Variants in DAB1 observed in about 807,000 individuals in gnomAD.
DAB1 encodes DAB adaptor protein 1.
In DAB1, 15 loss-of-function variants were observed where a neutral mutation model predicts 64.6. That is an observed-to-expected ratio of 0.23 (90% CI 0.16 to 0.36). The LOEUF (loss-of-function observed/expected upper bound fraction) is 0.36. Among genes scored for constraint, DAB1 ranks in the 10% least tolerant of loss-of-function variants. The pLI, the probability that DAB1 is intolerant of heterozygous loss-of-function variation, is 1.00. For synonymous variants in DAB1, 235 were observed against 251.9 expected, an observed-to-expected ratio of 0.93 and a Z score of 0.64; for missense variants, 596 against 706.7, an observed-to-expected ratio of 0.84 and a Z score of 1.78.
At chr1:58,167,010 A>G (rs1404256167) in intron 4 of DAB1, among the ~76,000 whole-genome samples, 3 of 151,430 alleles carry the variant, frequency 2.0e-5, no homozygotes, top group African/African-American at 4.8e-5. Flanking sequence ...GCCTCCTAAA[A>G]GTGCTAGGAA....
intron 5 of DAB1, among the ~76,000 whole-genome samples, chr1:57,976,587 A>AT (rs1645925603): frequency 6.6e-6 from 1 of 152,012 alleles, no homozygotes; most frequent in Non-Finnish European, 1.5e-5. Context: ...GAGCAAAATA[A>AT]TTTTTCTCCT....
At chr1:57,784,731 T>A (rs935448722) in intron 6 of DAB1, among the ~76,000 whole-genome samples, 2 of 152,032 alleles carry the variant, frequency 1.3e-5, no homozygotes. Context: ...GAAAGAAGCA[T>A]CTCCATAACA....
At chr1:57,623,669 GACAGGCTTCTGTGGCCGGTCTGCAAAC>G (rs1275682533) in intron 7 of DAB1, among the ~76,000 whole-genome samples, 2 of 152,170 alleles carry the variant, frequency 1.3e-5, no homozygotes, top group Non-Finnish European at 2.9e-5. Context: ...AAGGCCTGCA[GACAGGCTTCTGTGGCCGGTCTGCAAAC>G]ACAGGCTTCT....
At chr1:58,121,834 A>G (rs893250444) in intron 5 of DAB1, among the ~76,000 whole-genome samples, 1 of 152,182 alleles carries the variant, frequency 6.6e-6, no homozygotes, top group Non-Finnish European at 1.5e-5. Flanking sequence ...AACGATTTGG[A>G]ATTTTCCTCT....
intron 5 of DAB1, among the ~76,000 whole-genome samples, chr1:58,007,343 C>T (rs78991787): frequency 0.05 from 7,546 of 152,276 alleles, 357 homozygotes; most frequent in East Asian, 0.27. Flanking sequence ...CTGCTTTATG[C>T]TAAATGTGGA....
chr1:58,059,763 A>G (rs1648374851), intron 5 of DAB1, among the ~76,000 whole-genome samples: 1 of 152,208 alleles, frequency 6.6e-6, no homozygotes, highest in Admixed American at 6.5e-5. Context: ...AACCTCATGG[A>G]GTAAGCACTC....
intron 2 of DAB1, among the ~76,000 whole-genome samples, chr1:57,191,939 C>T (rs769441648): frequency 2.6e-5 from 4 of 152,006 alleles, no homozygotes; most frequent in African/African-American, 7.2e-5. Flanking sequence ...AGGGCCATAC[C>T]GTAATAACAG....
intron 6 of DAB1, among the ~76,000 whole-genome samples, chr1:57,753,740 C>A (rs1648661688): frequency 6.6e-6 from 1 of 151,936 alleles, no homozygotes; most frequent in Non-Finnish European, 1.5e-5. Context: ...TATAATTACT[C>A]TTCTTTCATA....
intron 1 of DAB1, among the ~76,000 whole-genome samples, chr1:57,338,471 T>A (rs997742213): frequency 7.2e-5 from 11 of 152,194 alleles, no homozygotes; most frequent in Admixed American, 3.9e-4. Context: ...TAATAGGCAT[T>A]TGTCCTTCTT....
intron 4 of DAB1, among the ~76,000 whole-genome samples, chr1:58,224,681 T>C (rs978662556): frequency 6.6e-6 from 1 of 152,170 alleles, no homozygotes; most frequent in Non-Finnish European, 1.5e-5. Context: ...CATGATTTGT[T>C]AATCCCCATT....
At chr1:57,689,736 A>C (rs2101711126) in intron 6 of DAB1, among the ~76,000 whole-genome samples, 1 of 152,330 alleles carries the variant, frequency 6.6e-6, no homozygotes, top group South Asian at 2.1e-4. Flanking sequence ...ACCCATCCCA[A>C]CAAGCATTTA....
intron 5 of DAB1, among the ~76,000 whole-genome samples, chr1:57,935,101 G>T (rs1301427124): frequency 1.3e-5 from 2 of 152,162 alleles, no homozygotes; most frequent in East Asian, 3.9e-4. Flanking sequence ...TGATGCTAAC[G>T]CCTGCCACAG....
chr1:58,391,070 G>A (rs565540242), intron 3 of DAB1, among the ~76,000 whole-genome samples: 155 of 152,280 alleles, frequency 1.0e-3, no homozygotes, highest in African/African-American at 3.3e-3. Flanking sequence ...AAATCCACTC[G>A]AGTATTTCAA....
intron 3 of DAB1, among the ~76,000 whole-genome samples, chr1:58,491,658 G>A (rs906771962): frequency 6.6e-6 from 1 of 152,106 alleles, no homozygotes; most frequent in Non-Finnish European, 1.5e-5. Context: ...AAGATCAAAA[G>A]AGACAAAGAA....
At chr1:58,477,030 C>A (rs1645425542) in intron 3 of DAB1, among the ~76,000 whole-genome samples, 1 of 152,172 alleles carries the variant, frequency 6.6e-6, no homozygotes, top group South Asian at 2.1e-4. Context: ...CCAAAGACTG[C>A]AGTATTGCCA....
At chr1:57,137,611 G>A (rs189857708) in intron 3 of DAB1, among the ~76,000 whole-genome samples, 1 of 152,324 alleles carries the variant, frequency 6.6e-6, no homozygotes, top group East Asian at 1.9e-4. Context: ...CCATGCATTA[G>A]GGACCTTGAG....
chr1:57,542,812 G>T (rs1231246636), intron 7 of DAB1, among the ~76,000 whole-genome samples: 1 of 152,094 alleles, frequency 6.6e-6, no homozygotes, highest in East Asian at 1.9e-4. Context: ...ATCAGGGTTG[G>T]TCTGTGTGAC....
intron 4 of DAB1, among the ~76,000 whole-genome samples, chr1:58,213,447 A>C (rs948196627): frequency 3.9e-5 from 6 of 152,302 alleles, no homozygotes; most frequent in African/African-American, 1.2e-4. Flanking sequence ...GGAAACCTAC[A>C]ATCACAGTGG....
chr1:58,443,736 G>A (rs540370718), intron 3 of DAB1, among the ~76,000 whole-genome samples: 15 of 152,302 alleles, frequency 9.8e-5, no homozygotes, highest in Middle Eastern at 3.4e-3. Flanking sequence ...GTATAAAATA[G>A]TGTATGTTGT....
Sources: gnomAD v4.1 joint callset for allele counts (sites outside exome capture counted in the v4.1 genomes callset) on GRCh38, gnomAD v4.1.1 for gene constraint, MANE v1.5 for transcripts, NCBI Gene and HGNC (gene_info 2026-07-23, HGNC 2026-07-21) for gene names.